The following ITCH variants were observed in gnomAD, a reference collection of about 807,000 sequenced individuals.
ITCH encodes the protein E3 ubiquitin-protein ligase Itchy homolog.
ITCH carries 28 observed loss-of-function variants against 126.8 expected under a neutral mutation model. The observed-to-expected ratio is 0.22, with a 90% CI of 0.16 to 0.30. The LOEUF (loss-of-function observed/expected upper bound fraction) is 0.30. Ranked by LOEUF, ITCH falls within the 10% of genes least tolerant of loss-of-function variation. The probability of loss-of-function intolerance (pLI) is 1.00; values close to 1 mark genes in which losing one functional copy is unlikely to be tolerated. For synonymous variants in ITCH, 342 were observed against 340.0 expected (o/e 1.01, Z -0.06); for missense variants, 631 against 1,032.4 (o/e 0.61, Z 5.33).
At chr20:34,387,832 G>A (rs545232093) in intron 2 of ITCH, among the ~76,000 whole-genome samples, 1 of 152,024 alleles carries the variant, frequency 6.6e-6, no homozygotes, top group South Asian at 2.1e-4. Context: ...AGCCTCCCAA[G>A]TAGCTGGGAT....
chr20:34,463,601 T>A (rs1986742811), intron 14 of ITCH, among the ~76,000 whole-genome samples: 1 of 152,014 alleles, frequency 6.6e-6, no homozygotes, highest in Non-Finnish European at 1.5e-5. Context: ...TCTCATCAAC[T>A]CTTCTGTTTT....
At chr20:34,457,189 A>T (rs1248861648) in intron 12 of ITCH, among the ~76,000 whole-genome samples, 2 of 152,206 alleles carry the variant, frequency 1.3e-5, no homozygotes, top group Non-Finnish European at 2.9e-5. Context: ...TTAGCTTCTA[A>T]GATGTAATAT....
rs148241120 is a variant in ITCH, at chr20:34,377,829, T to C, written c.-22+8359T>C. Among the ~76,000 whole-genome samples, 698 of 149,768 alleles carry C rather than the reference T, an allele frequency of 4.7e-3. 15 individuals are homozygous for C. Among genetic ancestry groups the C allele is most frequent in the African/African-American group, 0.016 (638 of 40,600 alleles). On this transcript the variant is annotated intron_variant, in intron 2 of 24. Coordinates refer to ENST00000374864, the MANE Select transcript of ITCH (RefSeq NM_031483.7). ...CTGCAGTGATTTACCTGTGATTGTA[T>C]CACAGTACTCCAGCCTAGGCAACAG... is the stretch of plus-strand genomic sequence containing the variant.
At chr20:34,421,332 A>G (rs866597849) in intron 6 of ITCH, among the ~76,000 whole-genome samples, 1 of 152,160 alleles carries the variant, frequency 6.6e-6, no homozygotes, top group Non-Finnish European at 1.5e-5. Flanking sequence ...AATAGGAACG[A>G]TGTGTTAAAA....
At chr20:34,446,160 G>T (rs1256057175) in intron 11 of ITCH, among the ~76,000 whole-genome samples, 1 of 152,070 alleles carries the variant, frequency 6.6e-6, no homozygotes, top group Non-Finnish European at 1.5e-5. Flanking sequence ...CTTTTGTCTG[G>T]AGGAAAAGGA....
chr20:34,420,688 C>A (rs1475673075), intron 6 of ITCH, among the ~76,000 whole-genome samples: 2 of 151,964 alleles, frequency 1.3e-5, no homozygotes, highest in Non-Finnish European at 2.9e-5. Flanking sequence ...TTTTTTAAAA[C>A]ATTCTCCATT....
chr20:34,506,810 G>GAATC (rs1403976340), intron 24 of ITCH, among the ~76,000 whole-genome samples: 16 of 152,240 alleles, frequency 1.1e-4, no homozygotes, highest in Admixed American at 1.0e-3. Flanking sequence ...CGTAAGTGTA[G>GAATC]AATCGTACCT....
intron 1 of ITCH, among the ~76,000 whole-genome samples, chr20:34,364,244 C>T (rs1017877598): frequency 3.3e-5 from 5 of 152,120 alleles, no homozygotes; most frequent in Admixed American, 2.6e-4. Flanking sequence ...AACAACGCAA[C>T]CTTGTTTTCT....
At chr20:34,446,326 T>C (rs889960415) in intron 11 of ITCH, among the ~76,000 whole-genome samples, 38 of 152,204 alleles carry the variant, frequency 2.5e-4, no homozygotes, top group African/African-American at 8.7e-4. Flanking sequence ...TCATCCCTGT[T>C]AGAATTCATC....
chr20:34,391,421 C>G (rs2038487489), intron 2 of ITCH, among the ~76,000 whole-genome samples: 1 of 151,782 alleles, frequency 6.6e-6, no homozygotes, highest in African/African-American at 2.4e-5. Context: ...TGTGATCTAC[C>G]CCACCCCAAC....
chr20:34,507,480 G>GT (rs1258691049), intron 24 of ITCH, among the ~76,000 whole-genome samples: 1 of 151,432 alleles, frequency 6.6e-6, no homozygotes, highest in African/African-American at 2.4e-5. Flanking sequence ...TGAGTTTTAA[G>GT]TTTTTTATAT....
At chr20:34,503,853 G>GT (rs776389533) in intron 23 of ITCH, among the ~76,000 whole-genome samples, 3,956 of 85,824 alleles carry the variant, frequency 0.046, 121 homozygotes, top group African/African-American at 0.064. Context: ...GGTTTTTTGG[G>GT]TTTTTTTTTT....
chr20:34,483,944 A>G (rs1375579880), intron 20 of ITCH, among the ~76,000 whole-genome samples: 1 of 152,222 alleles, frequency 6.6e-6, no homozygotes, highest in Non-Finnish European at 1.5e-5. Context: ...TCTTACATGA[A>G]TGGCAGCCGG....
At chr20:34,412,800 CT>C (rs897467507) in intron 5 of ITCH, among the ~76,000 whole-genome samples, 161 bp downstream of exon 5, 87 of 152,158 alleles carry the variant, frequency 5.7e-4, no homozygotes, top group African/African-American at 2.0e-3. Context: ...TGAAAGTATT[CT>C]GAGTAACCTT....
chr20:34,418,923 G>A (rs1305590504), intron 6 of ITCH, among the ~76,000 whole-genome samples: 2 of 151,634 alleles, frequency 1.3e-5, no homozygotes, highest in South Asian at 2.1e-4. Context: ...CACCACGCCC[G>A]ACTAATTTTG....
At chr20:34,496,403 A>C (rs966814568) in intron 23 of ITCH, among the ~76,000 whole-genome samples, 2 of 152,162 alleles carry the variant, frequency 1.3e-5, no homozygotes, top group African/African-American at 4.8e-5. Context: ...GATTGTCTCT[A>C]CACTGTGTTG....
intron 7 of ITCH, among the ~76,000 whole-genome samples, chr20:34,429,020 C>T (rs1427578066): frequency 6.6e-6 from 1 of 152,162 alleles, no homozygotes; most frequent in East Asian, 1.9e-4. Context: ...TCACTGCAAC[C>T]TCCACCTCCC....
rs1009795865 is a variant in ITCH, at chr20:34,496,647, A to G, written c.2416+4050A>G. 2.6e-5 allele frequency among the ~76,000 whole-genome samples: 4 copies of G among 151,930 alleles called. No homozygotes were observed. In the East Asian group the frequency reaches 5.8e-4, roughly 22 times the overall value. ...GAGAAACCCTGTCTCTACTAAAAAT[A>G]CAAAAATTAGCTGGGCGTGGTGGCG... is the stretch of plus-strand genomic sequence containing the variant. On this transcript the variant is annotated intron_variant, in intron 23 of 24. Coordinates refer to ENST00000374864, the MANE Select transcript of ITCH (RefSeq NM_031483.7).
intron 4 of ITCH, among the ~76,000 whole-genome samples, chr20:34,410,381 A>G (rs1978831808): frequency 1.0e-5 from 1 of 99,624 alleles, no homozygotes. Context: ...CTCAAAAAAG[A>G]GAGAAAAAAA....
Sources: gnomAD v4.1 joint callset for allele counts (sites outside exome capture counted in the v4.1 genomes callset) on GRCh38, gnomAD v4.1.1 for gene constraint, MANE v1.5 for transcripts, NCBI Gene and HGNC (gene_info 2026-07-23, HGNC 2026-07-21) for gene names.